IQCM: variants seen among roughly 807,000 people sequenced by gnomAD.
IQCM encodes the protein IQ domain-containing protein M.
IQCM carries 45 observed loss-of-function variants against 57.6 expected under a neutral mutation model. The ratio of observed to expected loss-of-function variants is 0.78; its 90% CI spans 0.62 to 1.00. The LOEUF (loss-of-function observed/expected upper bound fraction) is 1.00. Ranked by LOEUF, IQCM falls within the 50% of genes least tolerant of loss-of-function variation. The probability of loss-of-function intolerance (pLI) is 0.00; values close to 1 mark genes in which losing one functional copy is unlikely to be tolerated. For missense variants in IQCM, 468 were observed against 511.6 expected, an observed-to-expected ratio of 0.91 and a Z score of 0.82; for synonymous variants, 148 against 158.9, an observed-to-expected ratio of 0.93 and a Z score of 0.51.
chr4:149,796,540 G>A (rs1382030810), intron 2 of IQCM, among the ~76,000 whole-genome samples: 1 of 152,136 alleles, frequency 6.6e-6, no homozygotes, highest in Non-Finnish European at 1.5e-5. Flanking sequence ...CCTGCTGATT[G>A]TAGAGCCCCA....
intron 5 of IQCM, among the ~76,000 whole-genome samples, chr4:149,698,251 A>T (rs1467125982): frequency 6.6e-6 from 1 of 152,102 alleles, no homozygotes; most frequent in African/African-American, 2.4e-5. Context: ...AAAAGGAAAC[A>T]TCATTTCCAC....
At chr4:149,446,039 C>T (rs1736471225) in intron 12 of IQCM, among the ~76,000 whole-genome samples, 1 of 151,722 alleles carries the variant, frequency 6.6e-6, no homozygotes, top group Non-Finnish European at 1.5e-5. Flanking sequence ...TTTTATCTTA[C>T]TTTCAGATAA....
intron 9 of IQCM, among the ~76,000 whole-genome samples, chr4:149,566,852 A>G (rs574795665): frequency 5.8e-4 from 88 of 152,310 alleles, no homozygotes; most frequent in African/African-American, 1.8e-3. Context: ...TGGAAAACAA[A>G]TTGTATTTAC....
At chr4:149,357,230 T>C (rs1402111973) in intron 13 of IQCM, among the ~76,000 whole-genome samples, 1 of 152,076 alleles carries the variant, frequency 6.6e-6, no homozygotes, top group African/African-American at 2.4e-5. Context: ...AATTTAATGC[T>C]CTTTATTTCC....
chr4:149,738,007 GT>G (rs1325241982), intron 3 of IQCM, among the ~76,000 whole-genome samples: 1 of 152,088 alleles, frequency 6.6e-6, no homozygotes, highest in Admixed American at 6.6e-5. Context: ...TAAGTCACTG[GT>G]TTTTTGTTGT....
At chr4:149,616,153 T>C (rs1244655986) in intron 8 of IQCM, among the ~76,000 whole-genome samples, 3 of 152,190 alleles carry the variant, frequency 2.0e-5, no homozygotes, top group Admixed American at 6.5e-5. Flanking sequence ...ACACCCATGT[T>C]CGTGGCAACA....
intron 7 of IQCM, among the ~76,000 whole-genome samples, chr4:149,660,608 T>G (rs1006805120): frequency 6.6e-6 from 1 of 152,030 alleles, no homozygotes; most frequent in African/African-American, 2.4e-5. Flanking sequence ...ATAGACTGGA[T>G]TAAGAAAATG....
chr4:149,469,003 A>G (rs1424886246), intron 12 of IQCM, among the ~76,000 whole-genome samples: 2 of 152,224 alleles, frequency 1.3e-5, no homozygotes, highest in South Asian at 2.1e-4. Flanking sequence ...AAAGGTAGAC[A>G]AAACCACAAA....
intron 7 of IQCM, among the ~76,000 whole-genome samples, chr4:149,661,239 G>T (rs1199143721): frequency 1.3e-5 from 2 of 152,008 alleles, no homozygotes; most frequent in Non-Finnish European, 2.9e-5. Flanking sequence ...TTTCCTTTCT[G>T]TTAATGTGGT....
At chr4:149,758,624 C>T in intron 2 of IQCM, among the ~76,000 whole-genome samples, 1 of 152,102 alleles carries the variant, frequency 6.6e-6, no homozygotes, top group Admixed American at 6.6e-5. Flanking sequence ...ATTCTCAAAA[C>T]TCAACAATAA....
chr4:149,711,650 A>T (rs1039612437), intron 5 of IQCM, among the ~76,000 whole-genome samples: 1 of 152,126 alleles, frequency 6.6e-6, no homozygotes, highest in Non-Finnish European at 1.5e-5. Flanking sequence ...GTTTGCAGAG[A>T]TATAAGCACA....
chr4:149,757,387 C>T (rs1039765687), intron 2 of IQCM, among the ~76,000 whole-genome samples: 7 of 151,852 alleles, frequency 4.6e-5, no homozygotes, highest in Non-Finnish European at 8.8e-5. Context: ...ATTCTGTTCA[C>T]ATATCAATAG....
At chr4:149,742,297 A>G (rs893326962) in intron 3 of IQCM, among the ~76,000 whole-genome samples, 1 of 152,162 alleles carries the variant, frequency 6.6e-6, no homozygotes. Flanking sequence ...AAATAGATTT[A>G]TATGCCCAAA....
rs955423367 is a variant in IQCM at position 149,745,566 on chromosome 4, A to T, written c.-48-2827T>A. ...ACTTAAGGCTCTCTGAAACGGTTAC[A>T]GGAATGCTAAGGATTTCTAATTCCA... On this transcript the variant is annotated intron_variant, in intron 2 of 13. Transcript: ENST00000636793. 3.7e-4 allele frequency among the ~76,000 whole-genome samples: 57 copies of T among 152,148 alleles called. 1 individual carries two copies. The highest frequency in any genetic ancestry group is 1.3e-4 in the Non-Finnish European group (9 of 68,042).
intron 8 of IQCM, among the ~76,000 whole-genome samples, chr4:149,603,949 T>C (rs1754549489): frequency 6.6e-6 from 1 of 152,144 alleles, no homozygotes; most frequent in Admixed American, 6.6e-5. Flanking sequence ...CCTAGTCTCC[T>C]TCACCAACTA....
At chr4:149,735,730 T>A (rs954145131) in intron 3 of IQCM, among the ~76,000 whole-genome samples, 2 of 152,152 alleles carry the variant, frequency 1.3e-5, no homozygotes, top group African/African-American at 4.8e-5. Context: ...TATAACAACA[T>A]GTTTTGGGCA....
At chr4:149,500,365 T>C (rs1007104992) in intron 12 of IQCM, among the ~76,000 whole-genome samples, 1 of 152,144 alleles carries the variant, frequency 6.6e-6, no homozygotes, top group Non-Finnish European at 1.5e-5. Context: ...TCTATTCATC[T>C]AGAAAGAAGT....
chr4:149,810,730 G>A (rs963046709), intron 2 of IQCM, among the ~76,000 whole-genome samples: 3 of 152,036 alleles, frequency 2.0e-5, no homozygotes, highest in Admixed American at 6.6e-5. Flanking sequence ...GATTACAGGC[G>A]TGAGCCACCA....
chr4:149,798,961 T>C (rs1051416518), intron 2 of IQCM, among the ~76,000 whole-genome samples: 3 of 151,742 alleles, frequency 2.0e-5, no homozygotes, highest in African/African-American at 7.2e-5. Context: ...TTGGACTTAA[T>C]TTGCACTATA....
Sources: allele counts gnomAD v4.1 joint callset (sites outside exome capture counted in the v4.1 genomes callset), GRCh38; gene constraint gnomAD v4.1.1; transcripts MANE v1.5; gene names NCBI Gene and HGNC (gene_info 2026-07-23, HGNC 2026-07-21).